CEP170: variants seen among roughly 807,000 people sequenced by gnomAD.
The protein encoded by CEP170 is centrosomal protein of 170 kDa.
CEP170 carries 21 observed loss-of-function variants against 151.9 expected under a neutral mutation model. The observed-to-expected ratio is 0.14, with a 90% confidence interval of 0.10 to 0.20. The LOEUF (loss-of-function observed/expected upper bound fraction) is 0.20, where lower values mean the gene tolerates loss of function less well. CEP170 is among the 10% of genes least tolerant of loss of function. CEP170 has a pLI of 1.00. For missense variants in CEP170, 964 were observed against 1,892.9 expected (o/e 0.51, Z 9.11); for synonymous variants, 356 against 648.8 (o/e 0.55, Z 6.86).
intron 8 of CEP170, among the ~76,000 whole-genome samples, chr1:243,190,662 G>C (rs2060255739): frequency 6.6e-6 from 1 of 152,092 alleles, no homozygotes; most frequent in African/African-American, 2.4e-5. Flanking sequence ...ATAGAGAACA[G>C]AATTGAATAT....
At chr1:243,136,406 A>C (rs866843777) in intron 16 of CEP170, 175 bp from the exon 17 acceptor site, 1 of 873,072 alleles carries the variant, frequency 1.1e-6, no homozygotes, top group Middle Eastern at 3.6e-4. Context: ...AAGTGAAAGA[A>C]ACACTATTAA....
At chr1:243,139,773 A>C (rs1167927718) in intron 16 of CEP170, among the ~76,000 whole-genome samples, 164 bp downstream of exon 16, 1 of 152,166 alleles carries the variant, frequency 6.6e-6, no homozygotes, top group African/African-American at 2.4e-5. Flanking sequence ...CTAACCTCTA[A>C]GTGACATAAT....
At chr1:243,221,619 CAAAGT>C in intron 3 of CEP170, 100 bp downstream of exon 3, 2 of 1,166,578 alleles carry the variant, frequency 1.7e-6, no homozygotes. Context: ...AAATAACATA[CAAAGT>C]AAAGAAAAAG....
At chr1:243,129,894 A>ATAACACATTT (rs2054188130) in intron 17 of CEP170, among the ~76,000 whole-genome samples, 1 of 152,074 alleles carries the variant, frequency 6.6e-6, no homozygotes, top group Non-Finnish European at 1.5e-5. Context: ...CCACATTCAC[A>ATAACACATTT]TAACTTTTTT....
intron 8 of CEP170, among the ~76,000 whole-genome samples, chr1:243,190,191 C>T (rs2060220683): frequency 6.6e-6 from 1 of 152,130 alleles, no homozygotes; most frequent in South Asian, 2.1e-4. Context: ...AATATAGTAA[C>T]AGAATGGTCA....
At chr1:243,244,357 T>TCA (rs36023097) in intron 1 of CEP170, among the ~76,000 whole-genome samples, 15,420 of 150,176 alleles carry the variant, frequency 0.1, 948 homozygotes, top group Non-Finnish European at 0.13. Context: ...GCTCCTTGTA[T>TCA]CACACACACA....
intron 3 of CEP170, among the ~76,000 whole-genome samples, chr1:243,218,370 G>A (rs934732277): frequency 6.6e-6 from 1 of 152,214 alleles, no homozygotes; most frequent in Admixed American, 6.5e-5. Flanking sequence ...GAGGGGCAAG[G>A]GCCCCAGTGG....
At position 243,241,786 on chromosome 1, in the gene CEP170, T is replaced by C. The variant is rs140648584; in HGVS notation, c.-42+13254A>G. On this transcript the variant is annotated intron_variant, in intron 1 of 19. Transcript: ENST00000366542. ...GCCTGGACAACATAGTGAGACTCCC[T>C]CTCATTAAAAAAAAAAAAAAAGTAT... Among the ~76,000 whole-genome samples, 1,122 of 132,574 alleles carry C rather than the reference T, an allele frequency of 8.5e-3. 13 individuals carry two copies. The highest frequency in any genetic ancestry group is 0.028 in the African/African-American group (1,039 of 37,116). 87.0% of individuals were successfully genotyped at this position (132,574 alleles called of 152,430 possible).
chr1:243,129,860 G>A (rs2054179075), intron 17 of CEP170, among the ~76,000 whole-genome samples: 1 of 151,368 alleles, frequency 6.6e-6, no homozygotes, highest in South Asian at 2.1e-4. Context: ...GGGAGAGGGA[G>A]AGAGAGAGAG....
chr1:243,132,849 A>G lies in CEP170; in HGVS notation c.4319+3294T>C, dbSNP rs537179809. ...GTTAGCAGGGACGGACCTGTATTTC[A>G]GTAGGTAGGATGAAAAAACACTGTG... is the stretch of plus-strand genomic sequence containing the variant. On this transcript the variant is annotated intron_variant, in intron 17 of 19. Transcript: ENST00000366542. Among the ~76,000 whole-genome samples the G allele has an allele frequency of 1.9e-4, 29 of 152,302 alleles. No individual in the cohort carries two copies. The East Asian group carries it at 5.2e-3, about 27-fold the overall frequency.
chr1:243,177,784 C>T (rs1350320419), intron 10 of CEP170, among the ~76,000 whole-genome samples: 4 of 152,190 alleles, frequency 2.6e-5, no homozygotes, highest in Admixed American at 1.3e-4. Context: ...ATATTTAACA[C>T]TGTGATTTTT....
At chr1:243,163,835 G>A (rs1355686211) in intron 13 of CEP170, among the ~76,000 whole-genome samples, 1 of 152,206 alleles carries the variant, frequency 6.6e-6, no homozygotes, top group Non-Finnish European at 1.5e-5. Context: ...GAGTAATAAA[G>A]CATATACTGC....
intron 14 of CEP170, among the ~76,000 whole-genome samples, chr1:243,154,832 G>T (rs945182270): frequency 1.3e-5 from 2 of 152,128 alleles, no homozygotes; most frequent in Admixed American, 1.3e-4. Flanking sequence ...CTCAGAAGAA[G>T]GTTTTTAGTC....
chr1:243,172,792 G>GT lies in CEP170; in HGVS notation c.1620dup (p.His541ThrfsTer2). 1 of 1,574,694 alleles carries GT rather than the reference G, an allele frequency of 6.4e-7. No individual in the cohort carries two copies. Among genetic ancestry groups the GT allele is most frequent in the Non-Finnish European group, 8.6e-7 (1 of 1,158,938 alleles). On this transcript the variant is annotated frameshift_variant, in exon 11 of 20. Coordinates refer to ENST00000366542, the MANE Select transcript of CEP170 (RefSeq NM_014812.3). LOFTEE classifies it high-confidence loss of function. ...GCCCAATCTTTTATTAGATCTTTAT[G>GT]TTTTTCGTTGATAACAGGCCTATTA...
intron 1 of CEP170, among the ~76,000 whole-genome samples, chr1:243,251,190 C>G (rs12071877): frequency 6.6e-6 from 1 of 152,210 alleles, no homozygotes; most frequent in South Asian, 2.1e-4. Context: ...GGAAGCTAAA[C>G]AGGCTTTCCT....
rs529200880 is a variant in CEP170, at chr1:243,158,264, G to C, written c.3677-1809C>G. Among the ~76,000 whole-genome samples the C allele has an allele frequency of 7.2e-5, 11 of 152,280 alleles. No homozygotes were observed. The South Asian group carries it at 2.3e-3, about 32-fold the overall frequency. On this transcript the variant is annotated intron_variant, in intron 13 of 19. Transcript: ENST00000366542. The stretch of plus-strand genomic sequence containing the variant: ...AAACATTTCATTAAATGCTAAATGT[G>C]TGTTTCTTGTGCTATCTTACAATAG...
chr1:243,226,188 T>G (rs1421038439), intron 1 of CEP170, among the ~76,000 whole-genome samples: 2 of 20,508 alleles, frequency 9.8e-5, no homozygotes, highest in African/African-American at 3.1e-4. Flanking sequence ...TATCTAGATA[T>G]ATATATCTAG....
intron 3 of CEP170, among the ~76,000 whole-genome samples, chr1:243,214,280 GTT>G (rs758433258): frequency 2.2e-4 from 22 of 100,532 alleles, no homozygotes; most frequent in Non-Finnish European, 2.9e-4. Context: ...AAGCTGTAAA[GTT>G]TTTTTTTTTT....
chr1:243,129,231 A>C, intron 18 of CEP170, 129 bp downstream of exon 18: 1 of 556,028 alleles, frequency 1.8e-6, no homozygotes, highest in Non-Finnish European at 3.1e-6. Flanking sequence ...AAGAAATAAA[A>C]TTTCCCAAAA....
Sources: allele counts gnomAD v4.1 joint callset (sites outside exome capture counted in the v4.1 genomes callset), GRCh38; gene constraint gnomAD v4.1.1; transcripts MANE v1.5; gene names NCBI Gene and HGNC (gene_info 2026-07-23, HGNC 2026-07-21).